The following CGRRF1 variants were observed in gnomAD, a reference collection of about 807,000 sequenced individuals.
CGRRF1 encodes the protein cell growth regulator with RING finger domain protein 1.
Under a neutral mutation model 37.2 loss-of-function variants are expected in CGRRF1, and 32 were observed. The ratio of observed to expected loss-of-function variants is 0.86; its 90% CI spans 0.65 to 1.16. CGRRF1 has a LOEUF of 1.16. CGRRF1 is among the 50% of genes most tolerant of loss of function. The pLI is 0.00. For missense variants in CGRRF1, 391 were observed against 382.6 expected, an observed-to-expected ratio of 1.02 and a Z score of -0.18; for synonymous variants, 141 against 140.3, an observed-to-expected ratio of 1.00 and a Z score of -0.04.
chr14:54,530,658 G>A, intron 3 of CGRRF1: 1 of 832,560 alleles, frequency 1.2e-6, no homozygotes, highest in Non-Finnish European at 1.9e-6. Flanking sequence ...CTAACTTATT[G>A]ATCATTTTTG....
chr14:54,530,052 G>A lies in CGRRF1; in HGVS notation c.248G>A (p.Gly83Asp). Reference protein sequence around the residue: ...TNPSSASITTGITLTTDCLED... With the variant: ...TNPSSASITTDITLTTDCLED... The stretch of plus-strand genomic sequence containing the variant: ...CTTTCTCCTTTGTTTTTTACAGCTG[G>A]CATAACCTTGACAACAGATTGCCTT... Residue 83 changes from glycine (G) to aspartate (D), a missense_variant, in exon 3 of 6, where the codon GGC (glycine) becomes GAC (aspartate). Gly to Asp is a moderately conservative substitution (Grantham distance 94, BLOSUM62 -1). Coordinates refer to ENST00000216420, the MANE Select transcript of CGRRF1 (RefSeq NM_006568.3). 1 of 1,605,070 alleles carries A rather than the reference G, an allele frequency of 6.2e-7. No individual in the cohort carries two copies. The highest frequency in any genetic ancestry group is 1.1e-5 in the South Asian group (1 of 90,508).
Position 54,530,199 on chromosome 14 carries a change from G to C in CGRRF1, c.395G>C (p.Ser132Thr). Residue 132 changes from serine to threonine, a missense_variant, in exon 3 of 6, where the codon AGT becomes ACT. Physicochemically the swap from Ser to Thr is moderately conservative, Grantham distance 58. Coordinates refer to ENST00000216420, the MANE Select transcript of CGRRF1 (RefSeq NM_006568.3). ...CAAGCATTAGAAGATGCTCTGTATA[G>C]TGAATATCTCTATCAGGAACAGTAT... ...TPQALEDALY[S>T]EYLYQEQYFI... 6.2e-7 allele frequency: 1 copy of C among 1,609,222 alleles called. No individual in the cohort carries two copies. Among genetic ancestry groups the C allele is most frequent in the Non-Finnish European group, 8.5e-7 (1 of 1,176,032 alleles).
At chr14:54,530,812 AT>A (rs2032500562) in intron 3 of CGRRF1, 90 bp from the exon 4 acceptor site, 1 of 1,087,336 alleles carries the variant, frequency 9.2e-7, no homozygotes, top group South Asian at 1.4e-5. Flanking sequence ...TAGACTTCTT[AT>A]GGATAAAGTG....
intron 2 of CGRRF1, among the ~76,000 whole-genome samples, chr14:54,526,949 T>A (rs1443196262): frequency 2.0e-5 from 3 of 152,240 alleles, no homozygotes; most frequent in Non-Finnish European, 4.4e-5. Context: ...CATTTCTCCC[T>A]TTTTAGTGGC....
At chr14:54,532,634 G>A (rs2032534543) in intron 4 of CGRRF1, among the ~76,000 whole-genome samples, 1 of 151,286 alleles carries the variant, frequency 6.6e-6, no homozygotes, top group South Asian at 2.1e-4. Flanking sequence ...CATACCAGCA[G>A]TAGTGTATTT....
rs574304342 is a variant in CGRRF1, at chr14:54,515,174, C to T, written c.104+5111C>T. On this transcript the variant is annotated intron_variant, in intron 1 of 5. Transcript: ENST00000216420. Reference sequence around the variant, plus strand: ...TATGATCTCGGCTCACTGCAACCTCCGCCTCCTGGATTCAAGCAATTCTCC... The same window carrying T: ...TATGATCTCGGCTCACTGCAACCTCTGCCTCCTGGATTCAAGCAATTCTCC... 8.3e-4 allele frequency among the ~76,000 whole-genome samples: 125 copies of T among 150,348 alleles called. 1 individual carries two copies. Among genetic ancestry groups the T allele is most frequent in the African/African-American group, 2.9e-3 (118 of 40,810 alleles).
intron 1 of CGRRF1, among the ~76,000 whole-genome samples, chr14:54,519,207 A>C (rs558073713): frequency 2.0e-5 from 3 of 150,692 alleles, no homozygotes; most frequent in Non-Finnish European, 4.4e-5. Flanking sequence ...TGGCCTCCCA[A>C]AATGTTGGGA....
intron 2 of CGRRF1, among the ~76,000 whole-genome samples, chr14:54,526,448 C>G (rs1329503283): frequency 1.3e-5 from 2 of 151,360 alleles, no homozygotes; most frequent in African/African-American, 4.9e-5. Flanking sequence ...TGCGCCCTGG[C>G]CATATTTTAA....
rs141030031 is a variant in CGRRF1, at chr14:54,530,989, G to A, written c.509G>A (p.Arg170His). 3.2e-5 allele frequency: 52 copies of A among 1,611,904 alleles called. No homozygotes were observed. The highest frequency in any genetic ancestry group is 4.1e-5 in the Non-Finnish European group (48 of 1,178,382). The change falls in exon 4 of 6, where the codon CGC becomes CAC. Residue 170 changes from arginine to histidine, a missense_variant. Arg to His is a conservative substitution (Grantham distance 29, BLOSUM62 0). Coordinates refer to ENST00000216420, the MANE Select transcript of CGRRF1 (RefSeq NM_006568.3). ...GACTTTGGTACAGTACCCAGATCTC[G>A]CTATCCATTGGTAGCGCTATTGACC... is the stretch of plus-strand genomic sequence containing the variant. ...IEDFGTVPRS[R>H]YPLVALLTLA...
chr14:54,524,789 G>A (rs1031223159), intron 2 of CGRRF1, among the ~76,000 whole-genome samples: 8 of 152,012 alleles, frequency 5.3e-5, no homozygotes, highest in African/African-American at 7.2e-5. Flanking sequence ...TCCCCTCCCC[G>A]CTCCTTCCCT....
At chr14:54,510,513 G>C (rs533806908) in intron 1 of CGRRF1, among the ~76,000 whole-genome samples, 1 of 152,312 alleles carries the variant, frequency 6.6e-6, no homozygotes, top group East Asian at 1.9e-4. Context: ...GACCTGAATG[G>C]AGCCCTTAGC....
At chr14:54,530,279 A>G (rs1247448755) in intron 3 of CGRRF1, 53 bp downstream of exon 3, 73 of 1,446,010 alleles carry the variant, frequency 5.0e-5, no homozygotes, top group Non-Finnish European at 7.0e-5. Context: ...CTTCTTATGG[A>G]TAAAGTGTTG....
chr14:54,530,063 A>G lies in CGRRF1; in HGVS notation c.259A>G (p.Thr87Ala). 2 of 1,609,876 alleles carry G rather than the reference A, an allele frequency of 1.2e-6. No individual in the cohort carries two copies. Among genetic ancestry groups the G allele is most frequent in the Non-Finnish European group, 8.5e-7 (1 of 1,176,826 alleles). Residue 87 changes from threonine to alanine, a missense_variant, in exon 3 of 6, where the codon ACA becomes GCA. Coordinates refer to ENST00000216420, the MANE Select transcript of CGRRF1 (RefSeq NM_006568.3). ...SASITTGITL[T>A]TDCLEDSLLT... ...GTTTTTTACAGCTGGCATAACCTTG[A>G]CAACAGATTGCCTTGAAGATAGCCT...
chr14:54,535,393 A>ACACACACACACACC (rs1252336754), intron 4 of CGRRF1, among the ~76,000 whole-genome samples: 7 of 150,952 alleles, frequency 4.6e-5, no homozygotes, highest in African/African-American at 1.7e-4. Flanking sequence ...ACACACACAC[A>ACACACACACACACC]CTTTTTGTAA....
At chr14:54,535,394 C>CACACACACACACACAG (rs950107688) in intron 4 of CGRRF1, among the ~76,000 whole-genome samples, 1 of 148,728 alleles carries the variant, frequency 6.7e-6, no homozygotes, top group Admixed American at 6.7e-5. Flanking sequence ...CACACACACA[C>CACACACACACACACAG]TTTTTGTAAA....
chr14:54,533,938 C>T (rs2032560854), intron 4 of CGRRF1, among the ~76,000 whole-genome samples: 1 of 151,782 alleles, frequency 6.6e-6, no homozygotes, highest in African/African-American at 2.4e-5. Flanking sequence ...CTGTATCTTT[C>T]CAAATCTTTA....
At chr14:54,531,180 C>T in intron 4 of CGRRF1, 130 bp downstream of exon 4, 1 of 712,410 alleles carries the variant, frequency 1.4e-6, no homozygotes, top group Non-Finnish European at 2.3e-6. Context: ...CAACTATATA[C>T]CTATTTGGTT....
chr14:54,512,310 C>T (rs1261065938), intron 1 of CGRRF1, among the ~76,000 whole-genome samples: 1 of 152,162 alleles, frequency 6.6e-6, no homozygotes, highest in Non-Finnish European at 1.5e-5. Flanking sequence ...TTATTGGAAT[C>T]CCAATAGCAA....
chr14:54,513,296 A>T (rs971595463), intron 1 of CGRRF1, among the ~76,000 whole-genome samples: 2 of 152,216 alleles, frequency 1.3e-5, no homozygotes, highest in African/African-American at 2.4e-5. Context: ...GATTGTGATA[A>T]AATTATTTCT....
Sources: allele counts gnomAD v4.1 joint callset (sites outside exome capture counted in the v4.1 genomes callset), GRCh38; gene constraint gnomAD v4.1.1; transcripts MANE v1.5; gene names NCBI Gene and HGNC (gene_info 2026-07-23, HGNC 2026-07-21).